SPTBN4: variants seen among roughly 807,000 people sequenced by gnomAD.
The protein encoded by SPTBN4 is spectrin beta, non-erythrocytic 4.
A neutral mutation model predicts 277.8 loss-of-function variants in SPTBN4; 96 were observed. The ratio of observed to expected loss-of-function variants is 0.35; its 90% CI spans 0.29 to 0.41. The LOEUF is 0.41. SPTBN4 is among the 10% of genes least tolerant of loss of function. The pLI, the probability that SPTBN4 is intolerant of heterozygous loss-of-function variation, is 1.00. For missense variants in SPTBN4, 3,006 were observed against 3,595.7 expected (o/e 0.84, Z 4.19); for synonymous variants, 1,481 against 1,580.3 (o/e 0.94, Z 1.49).
Position 40,519,473 on chromosome 19 carries a change from C to T in SPTBN4, c.2976C>T (p.His992=), listed in dbSNP as rs921007345. The T allele has an allele frequency of 2.5e-6, 4 of 1,607,226 alleles. No homozygotes were observed. The highest frequency in any genetic ancestry group is 3.4e-6 in the Non-Finnish European group (4 of 1,177,952). The change falls in exon 16 of 36, where the codon CAC becomes CAT. Residue 992 remains histidine, a synonymous_variant. Transcript: ENST00000598249. The surrounding 1 kb of genome is among the most constrained non-coding windows in gnomAD (Gnocchi z 5.7). ...EMSAVLLVEN[H]VLEVAEVRAQ... ...GCGCGGTGCTGCTGGTGGAGAACCA[C>T]GTGCTGGAGGTGGCCGAGGTGCGCG...
In SPTBN4 at chr19:40,569,688, C is replaced by G; in HGVS notation, c.6988C>G (p.Leu2330Val). The G allele has an allele frequency of 6.2e-7, 1 of 1,612,928 alleles. No individual in the cohort carries two copies. Among genetic ancestry groups the G allele is most frequent in the Non-Finnish European group, 8.5e-7 (1 of 1,179,572 alleles). ...CACCCTGGCTGACATTGTGGAACAGCTGCAGGAGAAAGAGGCAGGCCCAGG... is the reference window on the plus strand; with the variant it reads ...CACCCTGGCTGACATTGTGGAACAGGTGCAGGAGAAAGAGGCAGGCCCAGG... ...KATLADIVEQLQEKEAGPGLP... is the reference protein window; with the variant it reads ...KATLADIVEQVQEKEAGPGLP... The change falls in exon 32 of 36, where the codon CTG (leucine) becomes GTG (valine). Residue 2330 changes from leucine to valine, a missense_variant. Coordinates refer to ENST00000598249, the MANE Select transcript of SPTBN4 (RefSeq NM_020971.3).
intron 20 of SPTBN4, among the ~76,000 whole-genome samples, chr19:40,548,147 T>C (rs912373053): frequency 5.3e-5 from 8 of 152,242 alleles, no homozygotes; most frequent in African/African-American, 9.6e-5. Flanking sequence ...TTTCTGTCTA[T>C]TCCTAAGACA....
Position 40,530,510 on chromosome 19 carries a change from C to G in SPTBN4, c.3948+1379C>G, listed in dbSNP as rs900230925. 59 of 980,090 alleles carry G rather than the reference C, an allele frequency of 6.0e-5. No individual in the cohort carries two copies. In the African/African-American group the frequency reaches 9.9e-4, roughly 16 times the overall value. The allele number at this position is 980,090 out of a possible 1,614,324, so 60.7% of individuals were successfully genotyped here. A position where few individuals can be genotyped will look rare whatever the true frequency, so the allele number is the denominator to read the frequency against. On this transcript the variant is annotated intron_variant, in intron 18 of 35. Coordinates refer to ENST00000598249, the MANE Select transcript of SPTBN4 (RefSeq NM_020971.3). ...GCCGGAGCCTCAGCCTTCGCCGCCG[C>G]TGCCGCTGCCGTCGCAGTTGAGGGG...
At chr19:40,523,086 A>T (rs1177668274) in intron 16 of SPTBN4, among the ~76,000 whole-genome samples, 1 of 152,148 alleles carries the variant, frequency 6.6e-6, no homozygotes, top group African/African-American at 2.4e-5. Context: ...GTGAGCCGGG[A>T]TTGCACCACT....
chr19:40,523,443 G>T lies in SPTBN4; in HGVS notation c.3661G>T (p.Ala1221Ser). 6.2e-7 allele frequency: 1 copy of T among 1,603,300 alleles called. No homozygotes were observed. Among genetic ancestry groups the T allele is most frequent in the Non-Finnish European group, 8.5e-7 (1 of 1,174,418 alleles). Residue 1221 changes from alanine to serine, a missense_variant, in exon 17 of 36, where the codon GCG (alanine) becomes TCG (serine). This residue lies in a region of SPTBN4 where 1,759 missense variants were observed against 2,061.5 expected (regional missense o/e 0.85). Transcript: ENST00000598249. ...ALVVLRNQEM[A>S]LSGAELPGTV... Reference sequence around the variant, plus strand: ...CACGCTCCCTCCTCCCCAGGAGATGGCGCTGTCTGGTGCGGAGCTCCCGGG... The same window carrying T: ...CACGCTCCCTCCTCCCCAGGAGATGTCGCTGTCTGGTGCGGAGCTCCCGGG...
In SPTBN4 at chr19:40,502,244, C is replaced by G. The variant is rs1261894661; in HGVS notation, c.1014C>G (p.Ala338=). 4.3e-6 allele frequency: 7 copies of G among 1,613,190 alleles called. No homozygotes were observed. The highest frequency in any genetic ancestry group is 5.9e-6 in the Non-Finnish European group (7 of 1,179,634). Residue 338 remains alanine (A), a synonymous_variant, in exon 9 of 36, where the codon GCC becomes GCG. Transcript: ENST00000598249. The surrounding 1 kb of genome is among the most constrained non-coding windows in gnomAD (Gnocchi z 4.9). ...GCCTCATCAGCAATCAGAAATTTGC[C>G]AACTCCTTAAGTGGGGTGCAGCAGC... is the stretch of plus-strand genomic sequence containing the variant. The part of the protein sequence containing the change: ...TVGLISNQKF[A]NSLSGVQQQL...
rs774495248 is a variant in SPTBN4, at chr19:40,523,643, G to A, written c.3857+4G>A. On this transcript the variant is annotated splice_donor_region_variant and intron_variant, in intron 17 of 35. Transcript: ENST00000598249. ...CTGTGACCCGGCTGCTGGAGAAGTAGGTCCCCTAGACCCATCCACCCCAGG... is the reference window on the plus strand; with the variant it reads ...CTGTGACCCGGCTGCTGGAGAAGTAAGTCCCCTAGACCCATCCACCCCAGG... 2 of 1,607,858 alleles carry A rather than the reference G, an allele frequency of 1.2e-6. No homozygotes were observed. Among genetic ancestry groups the A allele is most frequent in the Non-Finnish European group, 1.7e-6 (2 of 1,176,490 alleles).
At position 40,512,834 on chromosome 19, in the gene SPTBN4, C is replaced by G; in HGVS notation, c.2045C>G (p.Ala682Gly). 1.4e-6 allele frequency: 2 copies of G among 1,453,564 alleles called. No homozygotes were observed. The highest frequency in any genetic ancestry group is 1.8e-6 in the Non-Finnish European group (2 of 1,116,218). 90.0% of individuals were successfully genotyped at this position (1,453,564 alleles called of 1,614,324 possible). The change falls in exon 14 of 36, where the codon GCG becomes GGG. Residue 682 changes from alanine (A) to glycine (G), a missense_variant. Ala to Gly is a moderately conservative substitution (Grantham distance 60, BLOSUM62 0). Around this residue, in one of 5 missense-constraint regions of SPTBN4, gnomAD observed 1,759 missense variants for 2,061.5 expected, o/e 0.85. Transcript: ENST00000598249. ...GGTGCGGCGGGCGCAGCGGGCGCAG[C>G]GGGAACAGCGGGCGGCGCGCATGAC... ...GGGAAGAAGA[A>G]GTAGGAHDLS...
intron 2 of SPTBN4, among the ~76,000 whole-genome samples, chr19:40,486,467 C>T (rs12976722): frequency 1 from 151,744 of 151,768 alleles, 75,860 homozygotes; most frequent in Non-Finnish European, 1. Flanking sequence ...CCTCCCAAGG[C>T]CAAGCGATCC....
chr19:40,492,932 G>A, intron 4 of SPTBN4, 31 bp from the exon 5 acceptor site: 1 of 1,604,688 alleles, frequency 6.2e-7, no homozygotes, highest in African/African-American at 1.3e-5. Flanking sequence ...AGCTCTCCAG[G>A]CCCTGGTAGC....
At position 40,478,703 on chromosome 19, in the gene SPTBN4, G is replaced by A. The variant is rs1236863507; in HGVS notation, c.169+5913G>A. On this transcript the variant is annotated intron_variant, in intron 2 of 35. Coordinates refer to ENST00000598249, the MANE Select transcript of SPTBN4 (RefSeq NM_020971.3). ...TGGTATTACAGGCGCCCGTCACCAC[G>A]CCCAGCTAATATTTTGTATTTTTAG... Among the ~76,000 whole-genome samples, 6 of 151,874 alleles carry A rather than the reference G, an allele frequency of 4.0e-5. No homozygotes were observed. In the East Asian group the frequency reaches 5.8e-4, roughly 15 times the overall value.
At chr19:40,472,459 G>A (rs1011429427) in intron 1 of SPTBN4, 148 bp from the exon 2 acceptor site, 2 of 648,624 alleles carry the variant, frequency 3.1e-6, no homozygotes, top group South Asian at 3.3e-5. Context: ...TTACAGGCAT[G>A]AGCCACTGTG....
chr19:40,541,996 G>A (rs1450741630), intron 20 of SPTBN4, among the ~76,000 whole-genome samples: 2 of 151,964 alleles, frequency 1.3e-5, no homozygotes, highest in Non-Finnish European at 2.9e-5. Flanking sequence ...GTCTCAGCTC[G>A]CTGCAACCTC....
Position 40,472,767 on chromosome 19 carries a change from G to C in SPTBN4, c.146G>C (p.Cys49Ser). 6.3e-7 allele frequency: 1 copy of C among 1,587,196 alleles called. No homozygotes were observed. The highest frequency in any genetic ancestry group is 8.6e-7 in the Non-Finnish European group (1 of 1,165,216). The change falls in exon 2 of 36, where the codon TGC becomes TCC. Residue 49 changes from cysteine to serine, a missense_variant. By Grantham distance (112) the Cys-to-Ser change is moderately radical. Coordinates refer to ENST00000598249, the MANE Select transcript of SPTBN4 (RefSeq NM_020971.3). ...ACCGCAGCGGCCTCGCTCTTTGAGTGCTCCCGGATCAAGGCCTTGGCAGGT... is the reference window on the plus strand; with the variant it reads ...ACCGCAGCGGCCTCGCTCTTTGAGTCCTCCCGGATCAAGGCCTTGGCAGGT... ...ASTAAASLFE[C>S]SRIKALADER...
At position 40,575,604 on chromosome 19, in the gene SPTBN4, C is replaced by G. The variant is rs2081194778; in HGVS notation, c.*35C>G. 1 of 1,585,800 alleles carries G rather than the reference C, an allele frequency of 6.3e-7. No homozygotes were observed. Among genetic ancestry groups the G allele is most frequent in the African/African-American group, 1.3e-5 (1 of 74,564 alleles). ...CCCAGGACCTGACACATCTCGTCTC[C>G]CCTCTTTTCCGCACTGTGGGCACAA... On this transcript the variant is annotated 3_prime_UTR_variant, in exon 36 of 36. Transcript: ENST00000598249.
At chr19:40,475,278 C>T (rs1489007617) in intron 2 of SPTBN4, among the ~76,000 whole-genome samples, 2 of 152,004 alleles carry the variant, frequency 1.3e-5, no homozygotes, top group Non-Finnish European at 2.9e-5. Context: ...GCACCTTTGA[C>T]CCTTGGGACC....
At chr19:40,503,198 G>A (rs1372667774) in intron 11 of SPTBN4, among the ~76,000 whole-genome samples, 2 of 151,758 alleles carry the variant, frequency 1.3e-5, no homozygotes, top group African/African-American at 4.8e-5. Flanking sequence ...TCAGGAATGG[G>A]GGAGTGTTTT....
At chr19:40,489,714 G>T (rs879646729) in intron 3 of SPTBN4, among the ~76,000 whole-genome samples, 3 of 152,142 alleles carry the variant, frequency 2.0e-5, no homozygotes, top group African/African-American at 4.8e-5. Flanking sequence ...GCAAAACATT[G>T]GTAGAGAGGG....
chr19:40,504,232 G>A, intron 12 of SPTBN4, 100 bp downstream of exon 12: 1 of 1,230,368 alleles, frequency 8.1e-7, no homozygotes, highest in South Asian at 1.5e-5. Context: ...GAGAGGGAAG[G>A]GCAGAGATAG....
Sources: gnomAD v4.1 joint callset for allele counts (sites outside exome capture counted in the v4.1 genomes callset) on GRCh38, gnomAD v4.1.1 for gene constraint, gnomAD v4.1.1 regional missense constraint, Gnocchi (gnomAD v3.1) non-coding constraint, MANE v1.5 for transcripts, NCBI Gene and HGNC (gene_info 2026-07-23, HGNC 2026-07-21) for gene names.